The following USP34 variants were observed in gnomAD, a reference collection of about 807,000 sequenced individuals.
The protein encoded by USP34 is ubiquitin specific peptidase 34.
A neutral mutation model predicts 460.3 loss-of-function variants in USP34; 70 were observed. The ratio of observed to expected loss-of-function variants is 0.15; its 90% confidence interval spans 0.13 to 0.19. The LOEUF (loss-of-function observed/expected upper bound fraction) is 0.19, where lower values mean the gene tolerates loss of function less well. Ranked by LOEUF, USP34 falls within the 10% of genes least tolerant of loss-of-function variation. The probability of loss-of-function intolerance (pLI) is 1.00; values close to 1 mark genes in which losing one functional copy is unlikely to be tolerated. For missense variants in USP34, 3,985 were observed against 4,236.2 expected (o/e 0.94, Z 1.65); for synonymous variants, 1,647 against 1,405.3 (o/e 1.17, Z -3.85).
intron 1 of USP34, among the ~76,000 whole-genome samples, chr2:61,433,733 A>T (rs1573036961): frequency 6.6e-6 from 1 of 152,118 alleles, no homozygotes; most frequent in South Asian, 2.1e-4. Context: ...GCACTGCCCA[A>T]ATTAGGAGCA....
chr2:61,305,493 C>CA (rs920457009), intron 27 of USP34, among the ~76,000 whole-genome samples: 20 of 151,672 alleles, frequency 1.3e-4, no homozygotes, highest in African/African-American at 7.3e-5. Flanking sequence ...CACTCACACA[C>CA]AAAAAAACAA....
chr2:61,246,618 G>A (rs991305937), intron 49 of USP34, 141 bp from the exon 50 acceptor site: 18 of 595,494 alleles, frequency 3.0e-5, no homozygotes, highest in Non-Finnish European at 3.8e-5. Flanking sequence ...AATGTGACGA[G>A]TTACTTAGAA....
rs540288668 is a variant in USP34 at position 61,299,103 on chromosome 2, A to C, written c.4128+1848T>G. 7.2e-5 allele frequency among the ~76,000 whole-genome samples: 11 copies of C among 152,290 alleles called. No homozygotes were observed. The East Asian group carries it at 1.9e-3, about 27-fold the overall frequency. ...TATTAATGATTATTCTGCTTGAAAA[A>C]ACAATGGGTATTTCTTGGGAATTTA... On this transcript the variant is annotated intron_variant, in intron 29 of 79. Transcript: ENST00000398571.
rs750047020 is a variant in USP34 at position 61,284,966 on chromosome 2, C to CA, written c.4750-10dup. On this transcript the variant is annotated splice_polypyrimidine_tract_variant and intron_variant, in intron 34 of 79. Coordinates refer to ENST00000398571, the MANE Select transcript of USP34 (RefSeq NM_014709.4). ...ACAAGAACAAGAAATACCTTTAAAACAAAAACATTTTAAAAGATATTTAAA... is the reference window on the plus strand; with the variant it reads ...ACAAGAACAAGAAATACCTTTAAAACAAAAAACATTTTAAAAGATATTTAAA... 6.3e-7 allele frequency: 1 copy of CA among 1,597,924 alleles called. No individual in the cohort carries two copies. Among genetic ancestry groups the CA allele is most frequent in the Non-Finnish European group, 8.5e-7 (1 of 1,171,520 alleles).
intron 1 of USP34, among the ~76,000 whole-genome samples, chr2:61,451,070 A>C (rs1435731636): frequency 6.6e-6 from 1 of 151,408 alleles, no homozygotes; most frequent in African/African-American, 2.4e-5. Context: ...ATGTAAAAAA[A>C]ATTGGCTGGG....
chr2:61,220,823 G>A (rs1227907203), intron 66 of USP34, among the ~76,000 whole-genome samples: 1 of 152,166 alleles, frequency 6.6e-6, no homozygotes, highest in Non-Finnish European at 1.5e-5. Context: ...CTGGTACTAA[G>A]TGAGAATACA....
At chr2:61,270,435 A>T (rs1464636198) in intron 41 of USP34, among the ~76,000 whole-genome samples, 1 of 152,106 alleles carries the variant, frequency 6.6e-6, no homozygotes, top group African/African-American at 2.4e-5. Context: ...CCAGTATACA[A>T]TATTTTATTT....
intron 20 of USP34, among the ~76,000 whole-genome samples, chr2:61,329,293 T>A (rs1181121380): frequency 6.6e-6 from 1 of 152,128 alleles, no homozygotes; most frequent in African/African-American, 2.4e-5. Context: ...CCCAAAGTGT[T>A]GGGATTACAG....
intron 62 of USP34, among the ~76,000 whole-genome samples, chr2:61,226,574 CAGAT>C (rs1248003058): frequency 9.2e-5 from 14 of 152,120 alleles, no homozygotes; most frequent in Non-Finnish European, 2.1e-4. Context: ...TGTGGTAGTA[CAGAT>C]AAATTCCATA....
chr2:61,236,113 AAAG>A (rs747878700), intron 55 of USP34, 40 bp from the exon 56 acceptor site: 26 of 1,595,780 alleles, frequency 1.6e-5, no homozygotes, highest in Non-Finnish European at 2.0e-5. Flanking sequence ...CAATCATTTT[AAAG>A]TAGTAAATTT....
At chr2:61,305,841 C>T (rs1187976490) in intron 27 of USP34, among the ~76,000 whole-genome samples, 2 of 152,112 alleles carry the variant, frequency 1.3e-5, no homozygotes, top group Non-Finnish European at 2.9e-5. Flanking sequence ...ATTCAGGTCA[C>T]AAACTTTGCA....
chr2:61,457,130 G>A (rs757259050), intron 1 of USP34, among the ~76,000 whole-genome samples: 3 of 152,174 alleles, frequency 2.0e-5, no homozygotes, highest in Non-Finnish European at 1.5e-5. Context: ...ACAAAAATTA[G>A]CCAGGTGTGA....
intron 57 of USP34, among the ~76,000 whole-genome samples, chr2:61,233,545 G>A (rs1687975906): frequency 6.6e-6 from 1 of 152,106 alleles, no homozygotes; most frequent in Non-Finnish European, 1.5e-5. Flanking sequence ...ATCACTTCTG[G>A]CCAGGTGTAA....
chr2:61,300,971 C>G lies in USP34; in HGVS notation c.4108G>C (p.Val1370Leu). Residue 1370 changes from valine (V) to leucine (L), a missense_variant, in exon 29 of 80, where the codon GTG becomes CTG. Physicochemically the swap from Val to Leu is conservative, Grantham distance 32. This residue lies in a region of USP34 where 1,114 missense variants were observed against 1,122.5 expected (regional missense o/e 0.99). Transcript: ENST00000398571. Reference protein sequence around the residue: ...LASFKPPSGKVAVDDSESLRC... With the variant: ...LASFKPPSGKLAVDDSESLRC... ...GTCACCTCACTATCATCCACTGCCA[C>G]TTTTCCTGAGGGTGGTTTAAATGAT... is the stretch of plus-strand genomic sequence containing the variant. The G allele has an allele frequency of 6.2e-7, 1 of 1,612,322 alleles. No individual in the cohort carries two copies. The highest frequency in any genetic ancestry group is 1.1e-5 in the South Asian group (1 of 90,670).
intron 10 of USP34, among the ~76,000 whole-genome samples, chr2:61,356,960 T>C (rs892823771): frequency 4.6e-5 from 7 of 152,090 alleles, no homozygotes; most frequent in African/African-American, 1.4e-4. Flanking sequence ...ACCATAAACA[T>C]TATGAAAGAA....
chr2:61,248,985 T>C (rs1259429469), intron 48 of USP34, among the ~76,000 whole-genome samples: 3 of 152,138 alleles, frequency 2.0e-5, no homozygotes, highest in Non-Finnish European at 4.4e-5. Flanking sequence ...TATAACAATA[T>C]ACTGTTCACA....
intron 1 of USP34, among the ~76,000 whole-genome samples, chr2:61,446,348 C>T (rs377121899): frequency 1.8e-4 from 27 of 152,186 alleles, no homozygotes; most frequent in South Asian, 4.1e-4. Flanking sequence ...AAGATCCATC[C>T]TGAAATGATC....
chr2:61,284,778 A>C, intron 35 of USP34, 97 bp downstream of exon 35: 1 of 978,288 alleles, frequency 1.0e-6, no homozygotes, highest in Non-Finnish European at 1.4e-6. Context: ...ATATCCCCCA[A>C]ATTTTTCTAT....
At chr2:61,196,810 G>A (rs1286173278) in intron 75 of USP34, among the ~76,000 whole-genome samples, 1 of 152,124 alleles carries the variant, frequency 6.6e-6, no homozygotes. Flanking sequence ...TGGGATTACA[G>A]GTGTGAGTCA....
Sources: allele counts gnomAD v4.1 joint callset (sites outside exome capture counted in the v4.1 genomes callset), GRCh38; gene constraint gnomAD v4.1.1; regional missense constraint gnomAD v4.1.1; transcripts MANE v1.5; gene names NCBI Gene and HGNC (gene_info 2026-07-23, HGNC 2026-07-21).